HECTD2: variants seen among roughly 807,000 people sequenced by gnomAD.
HECTD2 encodes HECT domain E3 ubiquitin protein ligase 2.
HECTD2 carries 35 observed loss-of-function variants against 103.2 expected under a neutral mutation model. The observed-to-expected ratio is 0.34, with a 90% CI of 0.26 to 0.45. HECTD2 has a LOEUF of 0.45. HECTD2 is among the 20% of genes least tolerant of loss of function. The probability of loss-of-function intolerance (pLI) is 1.00; values close to 1 mark genes in which losing one functional copy is unlikely to be tolerated. For missense variants in HECTD2, 596 were observed against 937.4 expected, an observed-to-expected ratio of 0.64 and a Z score of 4.76; for synonymous variants, 281 against 329.9, an observed-to-expected ratio of 0.85 and a Z score of 1.61.
intron 2 of HECTD2, among the ~76,000 whole-genome samples, chr10:91,443,594 C>G (rs1338402715): frequency 6.6e-6 from 1 of 152,182 alleles, no homozygotes. Context: ...TGTCCCTTAG[C>G]AGAGCTTGAG....
intron 18 of HECTD2, among the ~76,000 whole-genome samples, chr10:91,499,742 C>T (rs186302919): frequency 3.9e-4 from 59 of 152,214 alleles, no homozygotes; most frequent in African/African-American, 1.1e-3. Context: ...TTCATCATGC[C>T]ATTTATACCT....
intron 6 of HECTD2, among the ~76,000 whole-genome samples, chr10:91,479,176 C>G (rs1003206449): frequency 6.6e-6 from 1 of 152,188 alleles, no homozygotes; most frequent in Non-Finnish European, 1.5e-5. Context: ...GATCATGCCA[C>G]TGCACTCCAG....
chr10:91,509,928 A>T (rs1847355798), intron 20 of HECTD2, among the ~76,000 whole-genome samples: 1 of 152,188 alleles, frequency 6.6e-6, no homozygotes, highest in Non-Finnish European at 1.5e-5. Flanking sequence ...TGAACCTAAA[A>T]TAAAAGGTAG....
chr10:91,424,452 TA>T (rs58167250), intron 1 of HECTD2, among the ~76,000 whole-genome samples: 32,338 of 152,068 alleles, frequency 0.21, 8,333 homozygotes, highest in African/African-American at 0.62. Context: ...AAGTGGATGT[TA>T]AAAGAAGTTA....
At chr10:91,505,631 G>T (rs1334562484) in intron 20 of HECTD2, among the ~76,000 whole-genome samples, 2 of 149,730 alleles carry the variant, frequency 1.3e-5, no homozygotes, top group African/African-American at 2.5e-5. Flanking sequence ...AGCAAGTCCT[G>T]AGTGACCTAC....
chr10:91,484,502 A>C lies in HECTD2; in HGVS notation c.822-5A>C, dbSNP rs1306987048. On this transcript the variant is annotated splice_polypyrimidine_tract_variant and splice_region_variant and intron_variant, in intron 8 of 20. Coordinates refer to ENST00000298068, the MANE Select transcript of HECTD2 (RefSeq NM_182765.6). Reference sequence around the variant, plus strand: ...TGATTGCAATTATTTTGAAATCTTTACCAGATTGTCCCAGAAGAGGTTCAA... The same window carrying C: ...TGATTGCAATTATTTTGAAATCTTTCCCAGATTGTCCCAGAAGAGGTTCAA... The C allele has an allele frequency of 6.3e-7, 1 of 1,597,118 alleles. No individual in the cohort carries two copies. Among genetic ancestry groups the C allele is most frequent in the Admixed American group, 1.8e-5 (1 of 55,814 alleles).
At chr10:91,409,620 G>A (rs569394286), upstream of HECTD2, among the ~76,000 whole-genome samples, 3 of 152,072 alleles carry the variant, frequency 2.0e-5, no homozygotes, top group Non-Finnish European at 4.4e-5. Context: ...AGGGGAAAGG[G>A]GGGGCCCACC....
chr10:91,507,811 C>G (rs1252898111), intron 20 of HECTD2, among the ~76,000 whole-genome samples: 1 of 120,602 alleles, frequency 8.3e-6, no homozygotes, highest in East Asian at 2.3e-4. Flanking sequence ...CCCGCATCGC[C>G]AAGTCAATCC....
intron 2 of HECTD2, among the ~76,000 whole-genome samples, chr10:91,445,918 T>A (rs1406976690): frequency 1.3e-5 from 2 of 152,088 alleles, no homozygotes; most frequent in Admixed American, 6.5e-5. Flanking sequence ...TGGGTGCCTA[T>A]GCCACCAGGG....
In HECTD2 at chr10:91,491,279, C is replaced by G; in HGVS notation, c.1271C>G (p.Thr424Arg). 1 of 1,554,638 alleles carries G rather than the reference C, an allele frequency of 6.4e-7. No homozygotes were observed. The highest frequency in any genetic ancestry group is 8.8e-7 in the Non-Finnish European group (1 of 1,134,044). ...ILFLNMKVRR[T>R]HLVSDSLDEL... The stretch of plus-strand genomic sequence containing the variant: ...TTTCTAAATATGAAAGTAAGACGGA[C>G]ACATCTGGTTAGCGATTCACTTGAT... Residue 424 changes from threonine to arginine, a missense_variant, in exon 12 of 21, where the codon ACA (threonine) becomes AGA (arginine). Physicochemically the swap from Thr to Arg is moderately conservative, Grantham distance 71. Around this residue, in one of 4 missense-constraint regions of HECTD2, gnomAD observed 303 missense variants for 522.5 expected, o/e 0.58. Transcript: ENST00000298068.
rs1460811197 is a variant in HECTD2, at chr10:91,513,081, C to A, written c.*697C>A. 1 of 152,586 alleles carries A rather than the reference C, an allele frequency of 6.6e-6. No individual in the cohort carries two copies. Among genetic ancestry groups the A allele is most frequent in the African/African-American group, 2.4e-5 (1 of 41,418 alleles). The allele number at this position is 152,586 out of a possible 1,614,324, so 9.5% of individuals were successfully genotyped here. A position where few individuals can be genotyped will look rare whatever the true frequency, so the allele number is the denominator to read the frequency against. On this transcript the variant is annotated 3_prime_UTR_variant, in exon 21 of 21. Transcript: ENST00000298068. The stretch of plus-strand genomic sequence containing the variant: ...ATGATTGTACAAGAGTATTTTCAGA[C>A]TAATTGGATTCAAGGTTATATTCTT...
chr10:91,500,344 A>G lies in HECTD2; in HGVS notation c.1951-158A>G, dbSNP rs1052908697. Among the ~76,000 whole-genome samples the G allele has an allele frequency of 1.3e-5, 2 of 152,236 alleles. 1 individual carries two copies. Among genetic ancestry groups the G allele is most frequent in the South Asian group, 4.1e-4 (2 of 4,838 alleles). ...GGAAGCAAAAATATCTTGCCTTGGC[A>G]GGAAAAATATACCCAGAGTCGATTT... On this transcript the variant is annotated intron_variant, in intron 18 of 20. Coordinates refer to ENST00000298068, the MANE Select transcript of HECTD2 (RefSeq NM_182765.6).
intron 10 of HECTD2, 101 bp downstream of exon 10, chr10:91,485,404 A>T: frequency 1.3e-6 from 1 of 789,650 alleles, no homozygotes; most frequent in Non-Finnish European, 2.0e-6. Flanking sequence ...ACGTTTACAT[A>T]TAAATGTATA....
At chr10:91,471,336 C>T (rs1235472962) in intron 5 of HECTD2, among the ~76,000 whole-genome samples, 2 of 152,150 alleles carry the variant, frequency 1.3e-5, no homozygotes, top group Non-Finnish European at 2.9e-5. Context: ...TAATAGGAAT[C>T]GTCTGTGACA....
intron 2 of HECTD2, among the ~76,000 whole-genome samples, chr10:91,429,029 C>T (rs912344057): frequency 6.6e-6 from 1 of 151,990 alleles, no homozygotes; most frequent in South Asian, 2.1e-4. Flanking sequence ...ATAGATAGCT[C>T]TTATTATTTT....
intron 2 of HECTD2, among the ~76,000 whole-genome samples, chr10:91,458,584 A>G (rs1845211861): frequency 6.6e-6 from 1 of 152,026 alleles, no homozygotes; most frequent in Admixed American, 6.6e-5. Flanking sequence ...ACAAGGATTG[A>G]TGGCATATGC....
intron 20 of HECTD2, among the ~76,000 whole-genome samples, chr10:91,504,107 C>T (rs35719024): frequency 0.033 from 5,043 of 152,088 alleles, 127 homozygotes; most frequent in Middle Eastern, 0.065. Flanking sequence ...AAAGGACATC[C>T]ACACCAAAAA....
At chr10:91,445,963 T>G (rs1844595252) in intron 2 of HECTD2, among the ~76,000 whole-genome samples, 1 of 152,108 alleles carries the variant, frequency 6.6e-6, no homozygotes, top group African/African-American at 2.4e-5. Flanking sequence ...GGTGGCCATT[T>G]GAGCAGACAC....
chr10:91,467,812 C>A (rs1024596935), intron 5 of HECTD2, among the ~76,000 whole-genome samples: 3 of 152,198 alleles, frequency 2.0e-5, no homozygotes, highest in African/African-American at 7.2e-5. Context: ...GCTGCCCCCA[C>A]TGGCATGTGG....
Sources: gnomAD v4.1 joint callset for allele counts (sites outside exome capture counted in the v4.1 genomes callset) on GRCh38, gnomAD v4.1.1 for gene constraint, gnomAD v4.1.1 regional missense constraint, MANE v1.5 for transcripts, NCBI Gene and HGNC (gene_info 2026-07-23, HGNC 2026-07-21) for gene names.